The following CHRNA7 variants were observed in gnomAD, a reference collection of about 807,000 sequenced individuals.
CHRNA7 encodes cholinergic receptor nicotinic alpha 7 subunit.
CHRNA7 carries 17 observed loss-of-function variants against 48.0 expected under a neutral mutation model. The ratio of observed to expected loss-of-function variants is 0.35; its 90% CI spans 0.24 to 0.53. The LOEUF (loss-of-function observed/expected upper bound fraction) is 0.53. Ranked by LOEUF, CHRNA7 falls within the 20% of genes least tolerant of loss-of-function variation. CHRNA7 has a pLI of 0.92. For missense variants in CHRNA7, 155 were observed against 577.7 expected (o/e 0.27, Z 7.50); for synonymous variants, 75 against 242.3 (o/e 0.31, Z 6.41).
chr15:32,139,390 T>C (rs990230361), intron 4 of CHRNA7, among the ~76,000 whole-genome samples: 8 of 152,222 alleles, frequency 5.3e-5, no homozygotes, highest in African/African-American at 1.7e-4. Context: ...GGAAGGCAAT[T>C]GTTGGATCAC....
At chr15:32,143,209 G>C (rs762178403) in intron 4 of CHRNA7, among the ~76,000 whole-genome samples, 7 of 152,208 alleles carry the variant, frequency 4.6e-5, no homozygotes, top group African/African-American at 1.7e-4. Context: ...CCGTTGTTCA[G>C]TTTCCATGTA....
intron 2 of CHRNA7, among the ~76,000 whole-genome samples, chr15:32,073,638 G>A (rs2050091788): frequency 1.3e-5 from 2 of 152,186 alleles, no homozygotes; most frequent in African/African-American, 4.8e-5. Flanking sequence ...CTGGTGGAAG[G>A]TGTTTGGGTC....
At chr15:32,156,536 C>T (rs2051742440) in intron 5 of CHRNA7, 1 of 38,326 alleles carries the variant, frequency 2.6e-5, no homozygotes, top group Non-Finnish European at 5.9e-5. Context: ...CTGTGCCTGT[C>T]TTCTTGTGCC....
intron 2 of CHRNA7, among the ~76,000 whole-genome samples, chr15:32,051,019 AG>A (rs2049662684): frequency 6.8e-6 from 1 of 147,466 alleles, no homozygotes; most frequent in African/African-American, 2.6e-5. Context: ...TTTGTCTCAG[AG>A]GAGTACCCGG....
chr15:32,108,171 A>T (rs956588025), intron 3 of CHRNA7, among the ~76,000 whole-genome samples: 7 of 152,082 alleles, frequency 4.6e-5, no homozygotes, highest in African/African-American at 1.7e-4. Flanking sequence ...GAAGCAGCAC[A>T]AATAGGGCCC....
At chr15:32,133,404 G>A (rs781742505) in intron 4 of CHRNA7, among the ~76,000 whole-genome samples, 7 of 152,172 alleles carry the variant, frequency 4.6e-5, no homozygotes, top group Non-Finnish European at 8.8e-5. Flanking sequence ...GGTGGGGCCC[G>A]TGGAGCCCAG....
chr15:32,052,098 C>T (rs2049695233), intron 2 of CHRNA7, among the ~76,000 whole-genome samples: 1 of 152,098 alleles, frequency 6.6e-6, no homozygotes, highest in Admixed American at 6.5e-5. Context: ...GGAAAGGTGG[C>T]CTCAAATCTT....
At chr15:32,091,297 T>C (rs1182809109) in intron 2 of CHRNA7, among the ~76,000 whole-genome samples, 3 of 152,200 alleles carry the variant, frequency 2.0e-5, no homozygotes, top group Non-Finnish European at 2.9e-5. Context: ...GTATTTTTGA[T>C]CAGGAGGGTA....
intron 4 of CHRNA7, among the ~76,000 whole-genome samples, chr15:32,129,367 C>T (rs2051119126): frequency 6.6e-6 from 1 of 151,812 alleles, no homozygotes; most frequent in African/African-American, 2.4e-5. Flanking sequence ...AATTCCCCAG[C>T]GAAGCCATTC....
chr15:32,074,077 T>C (rs1042347595), intron 2 of CHRNA7, among the ~76,000 whole-genome samples: 1 of 151,758 alleles, frequency 6.6e-6, no homozygotes, highest in African/African-American at 2.4e-5. Context: ...TTGTTAAAAA[T>C]TGTAAATGTT....
At chr15:32,101,524 G>A in intron 3 of CHRNA7, 177 bp downstream of exon 3, 1 of 660,210 alleles carries the variant, frequency 1.5e-6, no homozygotes, top group Non-Finnish European at 2.7e-6. Context: ...AATGCTGGCT[G>A]TATGACACTA....
intron 2 of CHRNA7, among the ~76,000 whole-genome samples, chr15:32,060,688 A>G (rs1188725985): frequency 6.6e-6 from 1 of 152,248 alleles, no homozygotes; most frequent in Non-Finnish European, 1.5e-5. Flanking sequence ...TTCAAGAGAT[A>G]GACTTAAATC....
At chr15:32,081,008 A>G (rs1222195629) in intron 2 of CHRNA7, among the ~76,000 whole-genome samples, 1 of 152,226 alleles carries the variant, frequency 6.6e-6, no homozygotes, top group Non-Finnish European at 1.5e-5. Context: ...TGAAGCTGGA[A>G]GCCATTATTC....
chr15:32,114,059 T>TATATGTATATATATATATATAC (rs1187735599), intron 4 of CHRNA7, among the ~76,000 whole-genome samples: 3 of 38,356 alleles, frequency 7.8e-5, no homozygotes, highest in African/African-American at 2.0e-4. Flanking sequence ...TATATATATA[T>TATATGTATATATATATATATAC]ACATATATAT....
chr15:32,054,127 CTT>C (rs546756498), intron 2 of CHRNA7, among the ~76,000 whole-genome samples: 182 of 152,212 alleles, frequency 1.2e-3, no homozygotes, highest in African/African-American at 4.3e-3. Flanking sequence ...TAGGCTAACT[CTT>C]TAGTTGGTTT....
chr15:32,140,792 TTTAAG>T (rs2051364387), intron 4 of CHRNA7, among the ~76,000 whole-genome samples: 2 of 152,292 alleles, frequency 1.3e-5, no homozygotes, highest in South Asian at 4.1e-4. Flanking sequence ...TGTAAATTTG[TTTAAG>T]TTATTTGTAG....
At chr15:32,101,538 T>G in intron 3 of CHRNA7, 191 bp downstream of exon 3, 2 of 613,508 alleles carry the variant, frequency 3.3e-6, no homozygotes, top group Non-Finnish European at 5.7e-6. Context: ...GACACTACAG[T>G]CTGCAGTGCT....
In CHRNA7 at chr15:32,142,833, C is replaced by A. The variant is rs780850704; in HGVS notation, c.351-11074C>A. 4.6e-5 allele frequency among the ~76,000 whole-genome samples: 7 copies of A among 151,934 alleles called. No homozygotes were observed. The South Asian group carries it at 1.5e-3, about 32-fold the overall frequency. Reference sequence around the variant, plus strand: ...TTTTCTTCTTTATTAGTCTTGCTAGCGGTCTGTCTATTTTGTTGATCTTTT... The same window carrying A: ...TTTTCTTCTTTATTAGTCTTGCTAGAGGTCTGTCTATTTTGTTGATCTTTT... On this transcript the variant is annotated intron_variant, in intron 4 of 9. Coordinates refer to ENST00000306901, the MANE Select transcript of CHRNA7 (RefSeq NM_000746.6).
At chr15:32,101,536 A>G (rs2050573429) in intron 3 of CHRNA7, 189 bp downstream of exon 3, 1 of 626,408 alleles carries the variant, frequency 1.6e-6, no homozygotes, top group Non-Finnish European at 2.8e-6. Flanking sequence ...ATGACACTAC[A>G]GTCTGCAGTG....
Sources: gnomAD v4.1 joint callset for allele counts (sites outside exome capture counted in the v4.1 genomes callset) on GRCh38, gnomAD v4.1.1 for gene constraint, MANE v1.5 for transcripts, NCBI Gene and HGNC (gene_info 2026-07-23, HGNC 2026-07-21) for gene names.